The following FIG4 variants were observed in gnomAD, a reference collection of about 807,000 sequenced individuals.
FIG4 encodes polyphosphoinositide phosphatase.
A neutral mutation model predicts 118.6 loss-of-function variants in FIG4; 112 were observed. The ratio of observed to expected loss-of-function variants is 0.94; its 90% confidence interval spans 0.81 to 1.11. The LOEUF (loss-of-function observed/expected upper bound fraction) is 1.11. Ranked by LOEUF, FIG4 falls within the 50% of genes least tolerant of loss-of-function variation. The pLI, the probability that FIG4 is intolerant of heterozygous loss-of-function variation, is 0.00. For synonymous variants in FIG4, 369 were observed against 381.2 expected (o/e 0.97, Z 0.37); for missense variants, 969 against 1,111.7 (o/e 0.87, Z 1.83).
At chr6:109,777,332 G>A (rs1777651719) in intron 16 of FIG4, among the ~76,000 whole-genome samples, 1 of 152,164 alleles carries the variant, frequency 6.6e-6, no homozygotes, top group Non-Finnish European at 1.5e-5. Flanking sequence ...CCACATGCTT[G>A]CCATGAGTTC....
At chr6:109,758,966 G>A (rs1777011991) in intron 10 of FIG4, among the ~76,000 whole-genome samples, 1 of 152,220 alleles carries the variant, frequency 6.6e-6, no homozygotes, top group Admixed American at 6.5e-5. Flanking sequence ...TGCTGGAGAG[G>A]ACTTGGAGAA....
chr6:109,702,474 T>C (rs1489442071), intron 1 of FIG4, among the ~76,000 whole-genome samples: 1 of 152,174 alleles, frequency 6.6e-6, no homozygotes, highest in African/African-American at 2.4e-5. Flanking sequence ...GCTTTTCTCT[T>C]TGGTATCCTA....
Position 109,743,413 on chromosome 6 carries a change from C to G in FIG4, c.1039+141C>G, listed in dbSNP as rs1001289557. ...GTAGATAATTTAGAAGAGGAATTTC[C>G]GTTATTCTTATGTAATAAATTTATG... is the stretch of plus-strand genomic sequence containing the variant. On this transcript the variant is annotated intron_variant, in intron 9 of 22. Coordinates refer to ENST00000230124, the MANE Select transcript of FIG4 (RefSeq NM_014845.6). 23 of 777,684 alleles carry G rather than the reference C, an allele frequency of 3.0e-5. No homozygotes were observed. In the South Asian group the frequency reaches 3.6e-4, roughly 12 times the overall value. 48.2% of individuals were successfully genotyped at this position (777,684 alleles called of 1,614,324 possible).
intron 15 of FIG4, among the ~76,000 whole-genome samples, chr6:109,770,850 C>G (rs1231395800): frequency 6.6e-6 from 1 of 152,120 alleles, no homozygotes; most frequent in East Asian, 1.9e-4. Flanking sequence ...AATATCCAAA[C>G]GATATCACAG....
chr6:109,766,646 A>G, intron 14 of FIG4, 83 bp from the exon 15 acceptor site: 2 of 1,173,664 alleles, frequency 1.7e-6, no homozygotes, highest in Non-Finnish European at 2.6e-6. Context: ...TTTAAAGTAT[A>G]AGACTTGTTT....
In FIG4 at chr6:109,762,167, C is replaced by T. The variant is rs201072058; in HGVS notation, c.1348C>T (p.Arg450Cys). 4.4e-5 allele frequency: 71 copies of T among 1,612,438 alleles called. No individual in the cohort carries two copies. The Middle Eastern group carries it at 6.6e-4, about 15-fold the overall frequency. Residue 450 changes from arginine to cysteine, a missense_variant, in exon 12 of 23, where the codon CGC becomes TGC. Physicochemically the swap from Arg to Cys is radical, Grantham distance 180. Around this residue, in one of 3 missense-constraint regions of FIG4, gnomAD observed 246 missense variants for 354.3 expected, o/e 0.69. Coordinates refer to ENST00000230124, the MANE Select transcript of FIG4 (RefSeq NM_014845.6). The stretch of plus-strand genomic sequence containing the variant: ...GAAGAAAACAGGTTTCTTTGTAAAC[C>T]GCCCTGATTCTTACTGTAGCATTTT... ...VVKKTGFFVN[R>C]PDSYCSILRP...
chr6:109,815,504 AC>A (rs35026684), intron 22 of FIG4, among the ~76,000 whole-genome samples: 1 of 48,236 alleles, frequency 2.1e-5, no homozygotes, highest in Admixed American at 2.1e-4. Flanking sequence ...TGCCCCCCCC[AC>A]CCCCCCGTTA....
At chr6:109,766,300 A>G (rs1282865049) in intron 14 of FIG4, among the ~76,000 whole-genome samples, 1 of 152,224 alleles carries the variant, frequency 6.6e-6, no homozygotes, top group Non-Finnish European at 1.5e-5. Flanking sequence ...TTTGCTGTTT[A>G]TAAGCCACCC....
chr6:109,716,500 A>G lies in FIG4; in HGVS notation c.221A>G (p.Asn74Ser). The change falls in exon 3 of 23, where the codon AAT (asparagine) becomes AGT (serine). Residue 74 changes from asparagine (N) to serine (S), a missense_variant. Physicochemically the swap from Asn to Ser is conservative, Grantham distance 46. This residue lies in a region of FIG4 where 393 missense variants were observed against 409.4 expected (regional missense o/e 0.96). Transcript: ENST00000230124. Reference protein sequence around the residue: ...RELLGRLDLGNRTKMGQKGSS... With the variant: ...RELLGRLDLGSRTKMGQKGSS... ...CTTCTTGGCCGCTTGGATCTTGGAA[A>G]TAGAACAAAGATGGGACAGAAAGGA... 1 of 1,613,980 alleles carries G rather than the reference A, an allele frequency of 6.2e-7. No individual in the cohort carries two copies. The highest frequency in any genetic ancestry group is 1.3e-5 in the African/African-American group (1 of 75,044).
At chr6:109,730,866 A>G (rs1157978710) in intron 4 of FIG4, among the ~76,000 whole-genome samples, 2 of 152,174 alleles carry the variant, frequency 1.3e-5, no homozygotes, top group Non-Finnish European at 2.9e-5. Flanking sequence ...TGCATAAACC[A>G]TAAGGCAAAC....
At chr6:109,790,728 C>G (rs1778111906) in intron 19 of FIG4, among the ~76,000 whole-genome samples, 3 of 152,058 alleles carry the variant, frequency 2.0e-5, no homozygotes, top group African/African-American at 7.2e-5. Flanking sequence ...AAATGGTTTT[C>G]TGAATTTAAA....
At chr6:109,820,416 C>T (rs1285033060) in intron 22 of FIG4, among the ~76,000 whole-genome samples, 1 of 152,274 alleles carries the variant, frequency 6.6e-6, no homozygotes, top group Non-Finnish European at 1.5e-5. Flanking sequence ...ACCCGCACCC[C>T]CCAAGTCTCC....
At chr6:109,803,821 A>G (rs911719896) in intron 22 of FIG4, among the ~76,000 whole-genome samples, 8 of 125,810 alleles carry the variant, frequency 6.4e-5, no homozygotes, top group Non-Finnish European at 1.1e-4. Flanking sequence ...TCCTGTGTCC[A>G]AGTGTTCTCA....
intron 21 of FIG4, among the ~76,000 whole-genome samples, chr6:109,795,854 G>A (rs1295576869): frequency 1.3e-5 from 2 of 152,024 alleles, no homozygotes; most frequent in Non-Finnish European, 2.9e-5. Context: ...GCCTGCCTCG[G>A]CCTCCCAAAG....
At chr6:109,711,512 G>A (rs557705072) in intron 1 of FIG4, among the ~76,000 whole-genome samples, 1 of 152,210 alleles carries the variant, frequency 6.6e-6, no homozygotes, top group African/African-American at 2.4e-5. Flanking sequence ...TTATCATTAT[G>A]TAATGCCATT....
chr6:109,784,590 A>G (rs974987050), intron 16 of FIG4, among the ~76,000 whole-genome samples: 8 of 152,248 alleles, frequency 5.3e-5, no homozygotes, highest in Non-Finnish European at 1.2e-4. Flanking sequence ...TCAAGGTCCC[A>G]CTACTCACCT....
intron 7 of FIG4, among the ~76,000 whole-genome samples, chr6:109,741,013 AG>A (rs1292404791): frequency 1.3e-5 from 2 of 152,100 alleles, no homozygotes; most frequent in Non-Finnish European, 2.9e-5. Flanking sequence ...AAAAACAGCA[AG>A]GGGGACGTCC....
intron 7 of FIG4, among the ~76,000 whole-genome samples, chr6:109,740,836 G>A (rs909462898): frequency 6.6e-6 from 1 of 152,100 alleles, no homozygotes; most frequent in Non-Finnish European, 1.5e-5. Context: ...TTGACTGTAG[G>A]CTTAACAGGA....
intron 3 of FIG4, among the ~76,000 whole-genome samples, chr6:109,718,576 T>C (rs1775507607): frequency 6.6e-6 from 1 of 152,156 alleles, no homozygotes; most frequent in South Asian, 2.1e-4. Context: ...TCATTTTGTG[T>C]GTTAGGTGGC....
Sources: allele counts gnomAD v4.1 joint callset (sites outside exome capture counted in the v4.1 genomes callset), GRCh38; gene constraint gnomAD v4.1.1; regional missense constraint gnomAD v4.1.1; transcripts MANE v1.5; gene names NCBI Gene and HGNC (gene_info 2026-07-23, HGNC 2026-07-21).